Variants in INPP4B observed in about 807,000 individuals in gnomAD.
The protein encoded by INPP4B is inositol polyphosphate-4-phosphatase type II B.
In INPP4B, 55 loss-of-function variants were observed where a neutral mutation model predicts 122.5. The ratio of observed to expected loss-of-function variants is 0.45; its 90% CI spans 0.36 to 0.56. The LOEUF (loss-of-function observed/expected upper bound fraction) is 0.56, where lower values mean the gene tolerates loss of function less well. Ranked by LOEUF, INPP4B falls within the 20% of genes least tolerant of loss-of-function variation. The pLI is 0.00. For missense variants in INPP4B, 1,000 were observed against 1,097.7 expected, an observed-to-expected ratio of 0.91 and a Z score of 1.26; for synonymous variants, 403 against 388.7, an observed-to-expected ratio of 1.04 and a Z score of -0.43.
At chr4:142,449,940 C>T (rs1240778680) in intron 3 of INPP4B, among the ~76,000 whole-genome samples, 1 of 152,156 alleles carries the variant, frequency 6.6e-6, no homozygotes, top group Non-Finnish European at 1.5e-5. Context: ...TTCAGTCTCT[C>T]CAGCAATTGG....
intron 17 of INPP4B, among the ~76,000 whole-genome samples, chr4:142,152,787 C>T (rs1814964021): frequency 6.6e-6 from 1 of 152,148 alleles, no homozygotes; most frequent in Admixed American, 6.5e-5. Flanking sequence ...ATCACACAAC[C>T]ACCTGCATCC....
chr4:142,625,687 C>T (rs928022499), intron 2 of INPP4B, among the ~76,000 whole-genome samples: 1 of 152,040 alleles, frequency 6.6e-6, no homozygotes, highest in Non-Finnish European at 1.5e-5. Context: ...CAATCCTAAG[C>T]CAAAAGAACA....
intron 2 of INPP4B, among the ~76,000 whole-genome samples, chr4:142,471,240 A>G (rs1476141096): frequency 6.6e-6 from 1 of 152,232 alleles, no homozygotes; most frequent in Non-Finnish European, 1.5e-5. Flanking sequence ...AATTCAAACA[A>G]TGTTAGCTAT....
At chr4:142,495,860 CT>C (rs1433762946) in intron 2 of INPP4B, among the ~76,000 whole-genome samples, 1 of 152,158 alleles carries the variant, frequency 6.6e-6, no homozygotes, top group Non-Finnish European at 1.5e-5. Flanking sequence ...CATTGCTGAT[CT>C]CTTTCTCCCA....
intron 5 of INPP4B, among the ~76,000 whole-genome samples, chr4:142,409,347 G>A (rs1239960980): frequency 1.3e-5 from 2 of 152,128 alleles, no homozygotes; most frequent in East Asian, 3.9e-4. Flanking sequence ...ACAAAAATTA[G>A]CTGGCCATGG....
intron 12 of INPP4B, among the ~76,000 whole-genome samples, chr4:142,234,492 G>A (rs1438606283): frequency 2.0e-5 from 3 of 152,050 alleles, no homozygotes; most frequent in African/African-American, 7.2e-5. Context: ...GAGACAGCTG[G>A]CCAATTTTCC....
intron 11 of INPP4B, among the ~76,000 whole-genome samples, chr4:142,259,905 G>A (rs1188444755): frequency 6.6e-6 from 1 of 152,156 alleles, no homozygotes; most frequent in Admixed American, 6.5e-5. Context: ...TATTTTAGCT[G>A]TGTTATAATC....
chr4:142,048,520 AG>A (rs1344269679), intron 25 of INPP4B, among the ~76,000 whole-genome samples: 2 of 151,928 alleles, frequency 1.3e-5, no homozygotes, highest in East Asian at 3.9e-4. Flanking sequence ...ACATTAAAAA[AG>A]AGAGAAAAAG....
chr4:142,035,333 C>A (rs1743166605), intron 25 of INPP4B, among the ~76,000 whole-genome samples: 1 of 152,182 alleles, frequency 6.6e-6, no homozygotes, highest in Admixed American at 6.5e-5. Flanking sequence ...ACAAAAAGAG[C>A]TGGCTTGCAA....
chr4:142,124,825 C>T (rs946160795), intron 18 of INPP4B, 65 bp from the exon 19 acceptor site: 33 of 1,156,806 alleles, frequency 2.9e-5, no homozygotes, highest in Non-Finnish European at 3.6e-5. Flanking sequence ...TAATGCAGAA[C>T]CAACTTCCAA....
chr4:142,187,546 A>G (rs762512887), intron 15 of INPP4B, among the ~76,000 whole-genome samples: 3 of 151,860 alleles, frequency 2.0e-5, no homozygotes, highest in Non-Finnish European at 4.4e-5. Flanking sequence ...ATAAATATAT[A>G]TACATTTGCA....
intron 2 of INPP4B, among the ~76,000 whole-genome samples, chr4:142,495,908 A>G (rs559996506): frequency 9.0e-4 from 137 of 152,070 alleles, no homozygotes; most frequent in Non-Finnish European, 1.4e-3. Context: ...CCGAATCCTC[A>G]TGCTTCAGCC....
intron 2 of INPP4B, among the ~76,000 whole-genome samples, chr4:142,650,035 A>G (rs941334236): frequency 1.6e-4 from 24 of 152,268 alleles, no homozygotes; most frequent in Non-Finnish European, 4.4e-5. Flanking sequence ...AAACCCTTCA[A>G]GCCAGAATAG....
At chr4:142,458,353 G>A (rs1396113169) in intron 3 of INPP4B, among the ~76,000 whole-genome samples, 1 of 152,068 alleles carries the variant, frequency 6.6e-6, no homozygotes, top group African/African-American at 2.4e-5. Flanking sequence ...GATTGTAGTG[G>A]TGGCTGCGCA....
intron 23 of INPP4B, among the ~76,000 whole-genome samples, chr4:142,102,798 C>G (rs759464034): frequency 7.9e-5 from 12 of 152,130 alleles, no homozygotes; most frequent in Admixed American, 4.6e-4. Flanking sequence ...GGGGCCTCAT[C>G]ATTGTTACCT....
At chr4:142,626,156 T>A (rs1027048641) in intron 2 of INPP4B, among the ~76,000 whole-genome samples, 21 of 152,080 alleles carry the variant, frequency 1.4e-4, no homozygotes, top group South Asian at 2.1e-4. Flanking sequence ...ACTAAAGAGC[T>A]TCTGCACAAC....
chr4:142,552,430 T>TAA (rs560749007), intron 2 of INPP4B, among the ~76,000 whole-genome samples: 265 of 144,234 alleles, frequency 1.8e-3, no homozygotes, highest in African/African-American at 6.3e-3. Flanking sequence ...CTTGAAGTCT[T>TAA]AAAAAAAAAA....
intron 7 of INPP4B, among the ~76,000 whole-genome samples, chr4:142,377,007 T>C (rs940093589): frequency 1.3e-5 from 2 of 152,036 alleles, no homozygotes; most frequent in Non-Finnish European, 2.9e-5. Flanking sequence ...AATGTTACAT[T>C]ACCATTTCCT....
intron 25 of INPP4B, among the ~76,000 whole-genome samples, chr4:142,040,523 A>G (rs1230346387): frequency 2.6e-5 from 4 of 152,204 alleles, no homozygotes; most frequent in Non-Finnish European, 5.9e-5. Flanking sequence ...GAAATATGCA[A>G]TGAAGCTTGT....
Sources: allele counts gnomAD v4.1 joint callset (sites outside exome capture counted in the v4.1 genomes callset), GRCh38; gene constraint gnomAD v4.1.1; transcripts MANE v1.5; gene names NCBI Gene and HGNC (gene_info 2026-07-23, HGNC 2026-07-21).